UNK: variants seen among roughly 807,000 people sequenced by gnomAD.
UNK encodes the protein RING finger protein unkempt homolog.
Under a neutral mutation model 97.6 loss-of-function variants are expected in UNK, and 32 were observed. The ratio of observed to expected loss-of-function variants is 0.33; its 90% CI spans 0.25 to 0.44. The LOEUF (loss-of-function observed/expected upper bound fraction) is 0.44. UNK is among the 20% of genes least tolerant of loss of function. The pLI, the probability that UNK is intolerant of heterozygous loss-of-function variation, is 1.00. For synonymous variants in UNK, 441 were observed against 461.2 expected, an observed-to-expected ratio of 0.96 and a Z score of 0.56; for missense variants, 771 against 1,098.4, an observed-to-expected ratio of 0.70 and a Z score of 4.21.
At chr17:75,799,445 A>C (rs995335326) in intron 1 of UNK, among the ~76,000 whole-genome samples, 1 of 152,224 alleles carries the variant, frequency 6.6e-6, no homozygotes, top group Non-Finnish European at 1.5e-5. Flanking sequence ...AGCAGACGTG[A>C]TGTGGAAGAG....
intron 14 of UNK, among the ~76,000 whole-genome samples, chr17:75,822,954 T>C (rs2062082641): frequency 6.6e-6 from 1 of 152,188 alleles, no homozygotes; most frequent in Non-Finnish European, 1.5e-5. Context: ...TCCAAGGTTC[T>C]GGGTTCTGAA....
In UNK at chr17:75,822,550, T is replaced by C. The variant is rs1388180625; in HGVS notation, c.1911T>C (p.Ala637=). The C allele has an allele frequency of 3.1e-6, 5 of 1,613,530 alleles. No homozygotes were observed. The highest frequency in any genetic ancestry group is 1.3e-5 in the African/African-American group (1 of 74,950). Residue 637 remains alanine, a synonymous_variant, in exon 14 of 16, where the codon GCT becomes GCC. Transcript: ENST00000589666. Reference sequence around the variant, plus strand: ...GCTTCTCCCCGGGCACTTCCCCCGCTTTCCTATCAGGGCCAGGGGCTGCCG... The same window carrying C: ...GCTTCTCCCCGGGCACTTCCCCCGCCTTCCTATCAGGGCCAGGGGCTGCCG... ...SGSFSPGTSP[A]FLSGPGAAEL...
chr17:75,789,657 A>G (rs2061745249), intron 1 of UNK, among the ~76,000 whole-genome samples: 1 of 152,084 alleles, frequency 6.6e-6, no homozygotes, highest in Non-Finnish European at 1.5e-5. Flanking sequence ...TTTACTAGAC[A>G]GTTTGTCTTT....
Position 75,823,265 on chromosome 17 carries a change from G to A in UNK, c.2020G>A (p.Ala674Thr), listed in dbSNP as rs945984430. The part of the protein sequence containing the change: ...WEESWKQAKQ[A>T]CDAWKKEAEE... ...ATGAGACTGTATGCTGGCCCCACAG[G>A]CTTGTGATGCCTGGAAGAAAGAGGC... Residue 674 changes from alanine to threonine, a missense_variant and splice_region_variant, in exon 15 of 16, where the codon GCT becomes ACT. Coordinates refer to ENST00000589666, the MANE Select transcript of UNK (RefSeq NM_001080419.3). 1 of 1,598,092 alleles carries A rather than the reference G, an allele frequency of 6.3e-7. No individual in the cohort carries two copies. Among genetic ancestry groups the A allele is most frequent in the Admixed American group, 1.7e-5 (1 of 59,236 alleles).
intron 1 of UNK, among the ~76,000 whole-genome samples, chr17:75,802,667 A>G (rs907887374): frequency 6.6e-6 from 1 of 152,228 alleles, no homozygotes; most frequent in Non-Finnish European, 1.5e-5. Flanking sequence ...TTTGTTAGCT[A>G]GGCAAGGAAA....
Position 75,817,470 on chromosome 17 carries a change from G to T in UNK, c.1249G>T (p.Gly417Cys). ...LAPGSYKKAP[G>C]FEREDQVGAE... ...CCCTGGCAGCTATAAGAAGGCTCCCGGCTTCGAGAGGGAAGACCAGGTGGG... is the reference window on the plus strand; with the variant it reads ...CCCTGGCAGCTATAAGAAGGCTCCCTGCTTCGAGAGGGAAGACCAGGTGGG... The change falls in exon 9 of 16, where the codon GGC becomes TGC. Residue 417 changes from glycine (G) to cysteine (C), a missense_variant. Transcript: ENST00000589666. This position sits in a 1 kb window ranked among gnomAD's most constrained non-coding sequence, Gnocchi z 5.8. The T allele has an allele frequency of 6.2e-7, 1 of 1,613,020 alleles. No homozygotes were observed. Among genetic ancestry groups the T allele is most frequent in the Non-Finnish European group, 8.5e-7 (1 of 1,179,492 alleles).
chr17:75,802,401 G>T (rs538094124), intron 1 of UNK, among the ~76,000 whole-genome samples: 1 of 151,798 alleles, frequency 6.6e-6, no homozygotes, highest in Admixed American at 6.6e-5. Context: ...GGGACTACAG[G>T]TGCATGCCTG....
Position 75,812,594 on chromosome 17 carries a change from A to T in UNK, c.622+9A>T. Reference sequence around the variant, plus strand: ...GGAGCCTCGGTGGCAAGGTACAGGCATCCACACCTCGGCCGCGCCCTCCCT... The same window carrying T: ...GGAGCCTCGGTGGCAAGGTACAGGCTTCCACACCTCGGCCGCGCCCTCCCT... On this transcript the variant is annotated intron_variant, in intron 4 of 15. Coordinates refer to ENST00000589666, the MANE Select transcript of UNK (RefSeq NM_001080419.3). 1 of 1,612,084 alleles carries T rather than the reference A, an allele frequency of 6.2e-7. No individual in the cohort carries two copies. The highest frequency in any genetic ancestry group is 8.5e-7 in the Non-Finnish European group (1 of 1,179,342).
In UNK at chr17:75,824,391, G is replaced by A. The variant is rs751498902; in HGVS notation, c.2407G>A (p.Gly803Ser). Residue 803 changes from glycine (G) to serine (S), a missense_variant, in exon 16 of 16, where the codon GGC becomes AGC. Gly to Ser is a moderately conservative substitution (Grantham distance 56, BLOSUM62 0). This residue lies in a region of UNK where 208 missense variants were observed against 257.4 expected (regional missense o/e 0.81). Coordinates refer to ENST00000589666, the MANE Select transcript of UNK (RefSeq NM_001080419.3). This position sits in a 1 kb window ranked among gnomAD's most constrained non-coding sequence, Gnocchi z 4.9. ...EGSECPICQPGRAHTLQS is the reference protein window; with the variant it reads ...EGSECPICQPSRAHTLQS ...CAGCGAGTGCCCCATCTGCCAGCCT[G>A]GCCGGGCCCACACCCTCCAGTCGTG... is the stretch of plus-strand genomic sequence containing the variant. 1.9e-5 allele frequency: 30 copies of A among 1,564,456 alleles called. No homozygotes were observed. The South Asian group carries it at 3.5e-4, about 18-fold the overall frequency.
intron 7 of UNK, among the ~76,000 whole-genome samples, chr17:75,815,778 C>T (rs563449362): frequency 2.0e-5 from 3 of 151,534 alleles, no homozygotes; most frequent in South Asian, 2.1e-4. Flanking sequence ...CCCAACTACT[C>T]GGGAGGCTGA....
At chr17:75,790,438 A>G (rs2061753634) in intron 1 of UNK, among the ~76,000 whole-genome samples, 1 of 151,904 alleles carries the variant, frequency 6.6e-6, no homozygotes, top group Non-Finnish European at 1.5e-5. Context: ...CCAGACCAGC[A>G]TGGGCAACAT....
chr17:75,803,423 G>T (rs1343914018), intron 1 of UNK, among the ~76,000 whole-genome samples: 5 of 152,126 alleles, frequency 3.3e-5, no homozygotes, highest in Admixed American at 2.0e-4. Flanking sequence ...ATTTCATGTG[G>T]TTTTTCCTGG....
At chr17:75,804,797 C>T (rs1187496590) in intron 1 of UNK, among the ~76,000 whole-genome samples, 3 of 151,554 alleles carry the variant, frequency 2.0e-5, no homozygotes, top group Non-Finnish European at 2.9e-5. Context: ...GCCGAGATTG[C>T]GCCACTGCAC....
At position 75,784,994 on chromosome 17, in the gene UNK, GCCCCCC is replaced by G. The variant is rs11335367; in HGVS notation, c.104+18_104+23del. On this transcript the variant is annotated intron_variant, in intron 1 of 15. Transcript: ENST00000589666. ...AACCGCAGCACTACACGTACGTAGA[GCCCCCC>G]CCCCCCCGCCGCGCGCGCACGCCTG... 9.3e-6 allele frequency: 10 copies of G among 1,074,416 alleles called. 1 individual carries two copies. In the African/African-American group the frequency reaches 1.7e-4, roughly 19 times the overall value. The allele number at this position is 1,074,416 out of a possible 1,614,324, so 66.6% of individuals were successfully genotyped here.
chr17:75,792,427 T>G, intron 1 of UNK: 1 of 985,462 alleles, frequency 1.0e-6, no homozygotes, highest in Non-Finnish European at 1.2e-6. Flanking sequence ...CCTTTTAACA[T>G]CTTGGATGAA....
intron 1 of UNK, among the ~76,000 whole-genome samples, chr17:75,800,998 G>A (rs958045052): frequency 2.6e-5 from 4 of 151,586 alleles, no homozygotes; most frequent in African/African-American, 9.7e-5. Flanking sequence ...CTGTCTCCCG[G>A]GTTCATACCA....
At chr17:75,785,087 C>G (rs75137507) in intron 1 of UNK, 103 bp downstream of exon 1, 25,304 of 741,770 alleles carry the variant, frequency 0.034, 629 homozygotes, top group Non-Finnish European at 0.041. Context: ...CTTCCTCCCC[C>G]CCTTCCTCCT....
intron 5 of UNK, 84 bp downstream of exon 5, chr17:75,813,297 G>A (rs998529443): frequency 8.2e-6 from 12 of 1,469,294 alleles, no homozygotes; most frequent in African/African-American, 2.8e-5. Context: ...CTGGCTCTCC[G>A]GGAGGAGGGG....
At chr17:75,810,414 C>T (rs746102957) in intron 2 of UNK, among the ~76,000 whole-genome samples, 13 of 152,064 alleles carry the variant, frequency 8.5e-5, no homozygotes, top group Non-Finnish European at 1.5e-4. Context: ...CTGGGAGTGT[C>T]GCACTAATGA....
Sources: allele counts gnomAD v4.1 joint callset (sites outside exome capture counted in the v4.1 genomes callset), GRCh38; gene constraint gnomAD v4.1.1; regional missense constraint gnomAD v4.1.1; non-coding constraint Gnocchi (gnomAD v3.1); transcripts MANE v1.5; gene names NCBI Gene and HGNC (gene_info 2026-07-23, HGNC 2026-07-21).